The following CEP112 variants were observed in gnomAD, a reference collection of about 807,000 sequenced individuals.
The protein encoded by CEP112 is centrosomal protein 112.
In CEP112, 127 loss-of-function variants were observed where a neutral mutation model predicts 153.0. The ratio of observed to expected loss-of-function variants is 0.83; its 90% CI spans 0.72 to 0.96. The LOEUF is 0.96. Among genes scored for constraint, CEP112 ranks in the 40% least tolerant of loss-of-function variants. The pLI is 0.00. For synonymous variants in CEP112, 358 were observed against 374.4 expected, an observed-to-expected ratio of 0.96 and a Z score of 0.51; for missense variants, 1,089 against 1,101.2, an observed-to-expected ratio of 0.99 and a Z score of 0.16.
At chr17:65,851,674 C>T (rs369172278) in intron 21 of CEP112, 130 bp downstream of exon 21, 11 of 662,622 alleles carry the variant, frequency 1.7e-5, no homozygotes, top group African/African-American at 1.6e-4. Context: ...AATTCCTCGA[C>T]TGAAGAGTTT....
intron 6 of CEP112, among the ~76,000 whole-genome samples, chr17:66,124,422 A>G (rs1016914473): frequency 2.0e-5 from 3 of 152,214 alleles, no homozygotes; most frequent in African/African-American, 7.2e-5. Context: ...AAAAAAGTAT[A>G]TAAAATGTTC....
chr17:65,701,886 C>CTGT (rs2048650134), intron 23 of CEP112, among the ~76,000 whole-genome samples: 4 of 129,118 alleles, frequency 3.1e-5, no homozygotes, highest in African/African-American at 8.5e-5. Context: ...CCTTCAACTT[C>CTGT]TTTTTTTTTT....
intron 23 of CEP112, among the ~76,000 whole-genome samples, chr17:65,734,081 C>A (rs1442449723): frequency 6.6e-6 from 1 of 152,244 alleles, no homozygotes; most frequent in East Asian, 1.9e-4. Context: ...GCAGATACAG[C>A]ACAAGCACCA....
intron 20 of CEP112, among the ~76,000 whole-genome samples, chr17:65,901,148 G>A (rs2059832504): frequency 6.6e-6 from 1 of 152,170 alleles, no homozygotes; most frequent in South Asian, 2.1e-4. Context: ...ATTGTTGAAA[G>A]ACATAATATA....
chr17:66,019,999 A>T (rs2064936701), intron 16 of CEP112, among the ~76,000 whole-genome samples: 1 of 152,246 alleles, frequency 6.6e-6, no homozygotes, highest in Non-Finnish European at 1.5e-5. Flanking sequence ...AGCAGGATGT[A>T]ATGAAGTTTG....
At chr17:65,993,108 CAG>C (rs756176363) in intron 17 of CEP112, among the ~76,000 whole-genome samples, 2 of 152,132 alleles carry the variant, frequency 1.3e-5, no homozygotes, top group Non-Finnish European at 2.9e-5. Flanking sequence ...CACCCCCTAA[CAG>C]GGCCCAGTGT....
chr17:65,726,973 T>G (rs988356975), intron 23 of CEP112, among the ~76,000 whole-genome samples: 7 of 152,216 alleles, frequency 4.6e-5, no homozygotes, highest in African/African-American at 1.7e-4. Context: ...AGATATTGTA[T>G]AGACTTGCAA....
At chr17:66,164,920 GTATATT>G (rs754931456) in intron 4 of CEP112, among the ~76,000 whole-genome samples, 25 of 130,012 alleles carry the variant, frequency 1.9e-4, no homozygotes, top group African/African-American at 7.5e-4. Flanking sequence ...GTGTGTGTGT[GTATATT>G]TATTTATAAA....
In CEP112 at chr17:65,927,562, C is replaced by G. The variant is rs1240780033; in HGVS notation, c.1980+20G>C. Reference sequence around the variant, plus strand: ...ATGTATTTTAAAAATTTAATGGCAGCATCAAAATGAAAGACCAACCTGTTG... The same window carrying G: ...ATGTATTTTAAAAATTTAATGGCAGGATCAAAATGAAAGACCAACCTGTTG... On this transcript the variant is annotated intron_variant, in intron 19 of 26. Coordinates refer to ENST00000535342, the MANE Select transcript of CEP112 (RefSeq NM_001199165.4). 7.5e-7 allele frequency: 1 copy of G among 1,336,300 alleles called. No individual in the cohort carries two copies. The highest frequency in any genetic ancestry group is 1.0e-6 in the Non-Finnish European group (1 of 953,858). 82.8% of individuals were successfully genotyped at this position (1,336,300 alleles called of 1,614,324 possible). A position where few individuals can be genotyped will look rare whatever the true frequency, so the allele number is the denominator to read the frequency against.
intron 21 of CEP112, among the ~76,000 whole-genome samples, chr17:65,806,919 G>A (rs1412389994): frequency 6.6e-6 from 1 of 152,176 alleles, no homozygotes; most frequent in African/African-American, 2.4e-5. Flanking sequence ...ACCTGAAGAT[G>A]TGGAAGTGAC....
chr17:65,700,087 GCTC>G (rs1477430616), intron 23 of CEP112, among the ~76,000 whole-genome samples: 1 of 149,700 alleles, frequency 6.7e-6, no homozygotes, highest in Non-Finnish European at 1.5e-5. Context: ...CATGCTTTCT[GCTC>G]CTCCTCCTCT....
chr17:65,850,648 T>G (rs2057896178), intron 21 of CEP112, among the ~76,000 whole-genome samples: 1 of 152,200 alleles, frequency 6.6e-6, no homozygotes, highest in Non-Finnish European at 1.5e-5. Flanking sequence ...AGTCAAATCA[T>G]GTCACTCCTA....
intron 8 of CEP112, among the ~76,000 whole-genome samples, chr17:66,074,873 GA>G (rs1242846957): frequency 6.6e-5 from 6 of 91,320 alleles, no homozygotes; most frequent in Admixed American, 1.1e-4. Flanking sequence ...AAAAAAAAAA[GA>G]AAAAAAAAAA....
chr17:65,701,185 A>C (rs556015327), intron 23 of CEP112, among the ~76,000 whole-genome samples: 1 of 152,230 alleles, frequency 6.6e-6, no homozygotes, highest in Non-Finnish European at 1.5e-5. Flanking sequence ...GGGGGAATGC[A>C]TGTGCCGGGA....
chr17:65,933,983 G>T (rs1599059947), intron 18 of CEP112, among the ~76,000 whole-genome samples: 1 of 152,328 alleles, frequency 6.6e-6, no homozygotes, highest in Non-Finnish European at 1.5e-5. Context: ...GAGCTCAGGA[G>T]TTCAAGACCA....
intron 24 of CEP112, among the ~76,000 whole-genome samples, chr17:65,648,394 C>T (rs545514065): frequency 6.6e-6 from 1 of 152,200 alleles, no homozygotes; most frequent in Non-Finnish European, 1.5e-5. Flanking sequence ...ACATGGTGCC[C>T]ATGTGACTAA....
chr17:66,106,639 A>T (rs1046947609), intron 6 of CEP112, among the ~76,000 whole-genome samples: 1 of 152,106 alleles, frequency 6.6e-6, no homozygotes, highest in Non-Finnish European at 1.5e-5. Context: ...AATGAGATTG[A>T]AGCTGTAATA....
At chr17:65,851,057 G>A (rs551918487) in intron 21 of CEP112, among the ~76,000 whole-genome samples, 11 of 152,274 alleles carry the variant, frequency 7.2e-5, no homozygotes, top group East Asian at 3.9e-4. Flanking sequence ...ATTTGAAGAT[G>A]AAGAGGGATA....
chr17:65,814,112 A>C (rs2056135212), intron 21 of CEP112, among the ~76,000 whole-genome samples: 1 of 152,192 alleles, frequency 6.6e-6, no homozygotes, highest in South Asian at 2.1e-4. Context: ...TTAAAAAGAC[A>C]GTACCCATGT....
Sources: gnomAD v4.1 joint callset for allele counts (sites outside exome capture counted in the v4.1 genomes callset) on GRCh38, gnomAD v4.1.1 for gene constraint, MANE v1.5 for transcripts, NCBI Gene and HGNC (gene_info 2026-07-23, HGNC 2026-07-21) for gene names.